The following ARPP21 variants were observed in gnomAD, a reference collection of about 807,000 sequenced individuals.
The protein encoded by ARPP21 is cAMP-regulated phosphoprotein 21.
In ARPP21, 69 loss-of-function variants were observed where a neutral mutation model predicts 113.2. The ratio of observed to expected loss-of-function variants is 0.61; its 90% CI spans 0.50 to 0.74. The LOEUF (loss-of-function observed/expected upper bound fraction) is 0.74, where lower values mean the gene tolerates loss of function less well. Ranked by LOEUF, ARPP21 falls within the 30% of genes least tolerant of loss-of-function variation. ARPP21 has a pLI of 0.00. For missense variants in ARPP21, 1,070 were observed against 1,037.4 expected (o/e 1.03, Z -0.43); for synonymous variants, 368 against 375.5 (o/e 0.98, Z 0.23).
intron 1 of ARPP21, among the ~76,000 whole-genome samples, chr3:35,657,291 G>A (rs958848461): frequency 1.1e-4 from 16 of 152,058 alleles, no homozygotes; most frequent in Non-Finnish European, 2.2e-4. Flanking sequence ...GAGCCCAGTG[G>A]CTTCTGAAGG....
At chr3:35,756,515 T>A (rs1457166179) in intron 19 of ARPP21, among the ~76,000 whole-genome samples, 2 of 124,958 alleles carry the variant, frequency 1.6e-5, no homozygotes, top group African/African-American at 6.2e-5. Flanking sequence ...CTATTCACAG[T>A]TGTCAGCCAA....
intron 19 of ARPP21, among the ~76,000 whole-genome samples, chr3:35,789,630 A>C (rs186758665): frequency 6.6e-6 from 1 of 152,288 alleles, no homozygotes; most frequent in African/African-American, 2.4e-5. Context: ...ACTGAATATT[A>C]AAGTTCACAA....
intron 19 of ARPP21, among the ~76,000 whole-genome samples, chr3:35,753,239 C>T (rs2095463475): frequency 1.3e-5 from 2 of 151,594 alleles, no homozygotes; most frequent in South Asian, 4.2e-4. Flanking sequence ...TAAATAAGAG[C>T]AAAACTGTGG....
intron 9 of ARPP21, among the ~76,000 whole-genome samples, chr3:35,693,649 A>G (rs984916424): frequency 4.6e-5 from 7 of 151,706 alleles, no homozygotes; most frequent in Non-Finnish European, 1.0e-4. Context: ...GGGGCATTAT[A>G]TTCAAAACAT....
intron 5 of ARPP21, chr3:35,684,117 C>G (rs1375311774): frequency 7.3e-6 from 11 of 1,511,166 alleles, no homozygotes; most frequent in Non-Finnish European, 8.9e-6. Flanking sequence ...TCCTCAAAGG[C>G]TCTCTTTTGA....
chr3:35,748,114 A>AAAGAAAGAAAGAAAGAAAG (rs1559838087), intron 19 of ARPP21, among the ~76,000 whole-genome samples: 33 of 90,770 alleles, frequency 3.6e-4, no homozygotes, highest in Admixed American at 1.0e-3. Flanking sequence ...AAGAAAGAAG[A>AAAGAAAGAAAGAAAGAAAG]AAGAAAGAAA....
chr3:35,685,401 A>G (rs1332102974), intron 5 of ARPP21: 1 of 985,214 alleles, frequency 1.0e-6, no homozygotes, highest in Non-Finnish European at 1.2e-6. Context: ...GGGGGTTGAT[A>G]GAAAACATCC....
chr3:35,662,632 G>T (rs1708337407), intron 1 of ARPP21, among the ~76,000 whole-genome samples: 1 of 152,158 alleles, frequency 6.6e-6, no homozygotes, highest in African/African-American at 2.4e-5. Context: ...CCCACAAAGG[G>T]TTGAGATCTC....
At chr3:35,663,890 T>A (rs977010679) in intron 1 of ARPP21, among the ~76,000 whole-genome samples, 15 of 152,170 alleles carry the variant, frequency 9.9e-5, no homozygotes, top group Admixed American at 9.8e-4. Context: ...ATACTTGGCA[T>A]CTCAAAAAAG....
chr3:35,707,427 T>C, intron 10 of ARPP21: 1 of 492,874 alleles, frequency 2.0e-6, no homozygotes, highest in South Asian at 1.5e-5. Flanking sequence ...TGTGTAACTA[T>C]GGCAGTCGTT....
chr3:35,742,576 T>C (rs1265509264), intron 18 of ARPP21, among the ~76,000 whole-genome samples: 4 of 152,250 alleles, frequency 2.6e-5, no homozygotes, highest in Non-Finnish European at 5.9e-5. Context: ...TTATAATTCA[T>C]CATGATTCCA....
At chr3:35,684,195 G>A (rs2079850715) in intron 5 of ARPP21, 21 of 1,333,994 alleles carry the variant, frequency 1.6e-5, no homozygotes, top group Non-Finnish European at 2.0e-5. Flanking sequence ...TTACCTCTCA[G>A]CTCCCCAAAA....
At chr3:35,661,080 T>C (rs190970949) in intron 1 of ARPP21, among the ~76,000 whole-genome samples, 72 of 152,266 alleles carry the variant, frequency 4.7e-4, no homozygotes, top group African/African-American at 1.7e-3. Flanking sequence ...GGGTAAATAA[T>C]AGTTTATCAA....
At chr3:35,685,577 C>T (rs2080317380) in intron 5 of ARPP21, 13 of 984,984 alleles carry the variant, frequency 1.3e-5, no homozygotes, top group Non-Finnish European at 1.6e-5. Context: ...GATTGTATCG[C>T]TTCCCCAATG....
intron 1 of ARPP21, among the ~76,000 whole-genome samples, chr3:35,674,453 G>GT (rs199719963): frequency 2.5e-3 from 373 of 150,962 alleles, no homozygotes; most frequent in African/African-American, 8.1e-3. Context: ...TTAAGGAGAT[G>GT]TTTTTTTTTG....
intron 19 of ARPP21, among the ~76,000 whole-genome samples, chr3:35,753,367 T>C (rs960074461): frequency 1.4e-4 from 21 of 152,026 alleles, no homozygotes; most frequent in African/African-American, 5.1e-4. Context: ...CTCAGACCTT[T>C]TGGGAAATTT....
At chr3:35,681,206 AATT>A (rs1211173378) in intron 2 of ARPP21, 1 of 151,828 alleles carries the variant, frequency 6.6e-6, no homozygotes, top group African/African-American at 2.4e-5. Flanking sequence ...ATTTATGCTG[AATT>A]ATTACCTTTT....
chr3:35,695,659 G>A (rs2083713750), intron 9 of ARPP21, among the ~76,000 whole-genome samples: 1 of 151,464 alleles, frequency 6.6e-6, no homozygotes, highest in Non-Finnish European at 1.5e-5. Flanking sequence ...GTTCAAATAG[G>A]CATTTAGGAA....
chr3:35,684,690 T>C (rs1055973868), intron 5 of ARPP21: 13 of 985,132 alleles, frequency 1.3e-5, no homozygotes, highest in Non-Finnish European at 1.6e-5. Flanking sequence ...TTTTTCCTCT[T>C]ACTTTAATTG....
Sources: gnomAD v4.1 joint callset for allele counts (sites outside exome capture counted in the v4.1 genomes callset) on GRCh38, gnomAD v4.1.1 for gene constraint, MANE v1.5 for transcripts, NCBI Gene and HGNC (gene_info 2026-07-23, HGNC 2026-07-21) for gene names.